Variants in PFKP observed in about 807,000 individuals in gnomAD.
The protein encoded by PFKP is phosphofructokinase, platelet, also known as ATP-dependent 6-phosphofructokinase, platelet type.
A neutral mutation model predicts 94.3 loss-of-function variants in PFKP; 101 were observed. The ratio of observed to expected loss-of-function variants is 1.07; its 90% confidence interval spans 0.91 to 1.26. The LOEUF is 1.26. PFKP is among the 50% of genes most tolerant of loss of function. PFKP has a pLI of 0.00. For synonymous variants in PFKP, 573 were observed against 432.6 expected (o/e 1.32, Z -4.03); for missense variants, 1,145 against 1,103.3 (o/e 1.04, Z -0.53).
chr10:3,101,304 T>C, intron 3 of PFKP, 61 bp from the exon 4 acceptor site: 1 of 1,379,666 alleles, frequency 7.2e-7, no homozygotes, highest in Non-Finnish European at 9.9e-7. Flanking sequence ...GGCCTGTGTG[T>C]GCCATCCACC....
intron 18 of PFKP, 147 bp from the exon 19 acceptor site, chr10:3,133,056 A>T: frequency 1.5e-6 from 1 of 669,500 alleles, no homozygotes. Context: ...AGAAAGCAAA[A>T]CCGTGAACTG....
Position 3,133,263 on chromosome 10 carries a change from G to A in PFKP, c.1971G>A (p.Glu657=), listed in dbSNP as rs1329711602. The A allele has an allele frequency of 6.2e-7, 1 of 1,614,050 alleles. No individual in the cohort carries two copies. Among genetic ancestry groups the A allele is most frequent in the African/African-American group, 1.3e-5 (1 of 74,934 alleles). The change falls in exon 19 of 22, where the codon GAG becomes GAA. Residue 657 remains glutamate (E), a synonymous_variant. Coordinates refer to ENST00000381125, the MANE Select transcript of PFKP (RefSeq NM_002627.5). ...TDFIYQLYSE[E]GKGVFDCRKN... Reference sequence around the variant, plus strand: ...TCATTTACCAGCTGTATTCAGAAGAGGGCAAAGGCGTGTTTGACTGCAGGA... The same window carrying A: ...TCATTTACCAGCTGTATTCAGAAGAAGGCAAAGGCGTGTTTGACTGCAGGA...
At chr10:3,069,778 C>T (rs1832047122) in intron 1 of PFKP, among the ~76,000 whole-genome samples, 1 of 152,114 alleles carries the variant, frequency 6.6e-6, no homozygotes, top group African/African-American at 2.4e-5. Context: ...ATTTATGGGT[C>T]ATTCCTTTGA....
intron 1 of PFKP, among the ~76,000 whole-genome samples, chr10:3,076,880 TG>T (rs1323362908): frequency 6.6e-6 from 1 of 152,158 alleles, no homozygotes; most frequent in Non-Finnish European, 1.5e-5. Context: ...GACTTTGAAC[TG>T]GCAGGGGTGG....
Position 3,101,572 on chromosome 10 carries a change from C to T in PFKP, c.454+18C>T, listed in dbSNP as rs761014860. ...CAGGAACGGTGAGTGGACACCTGCT[C>T]CTCTGTCCTGCGGGTTTTCGCCCTG... On this transcript the variant is annotated intron_variant, in intron 4 of 21. Coordinates refer to ENST00000381125, the MANE Select transcript of PFKP (RefSeq NM_002627.5). The T allele has an allele frequency of 3.3e-6, 5 of 1,495,686 alleles. No individual in the cohort carries two copies. Among genetic ancestry groups the T allele is most frequent in the Non-Finnish European group, 1.8e-6 (2 of 1,121,098 alleles). 92.7% of individuals were successfully genotyped at this position (1,495,686 alleles called of 1,614,324 possible).
intron 2 of PFKP, among the ~76,000 whole-genome samples, chr10:3,098,691 G>A (rs1023152943): frequency 1.7e-3 from 163 of 93,918 alleles, no homozygotes; most frequent in Middle Eastern, 6.4e-3. Flanking sequence ...AAAAAAAAAA[G>A]GTAATTGTCC....
At chr10:3,095,277 T>C (rs2131504302) in intron 2 of PFKP, among the ~76,000 whole-genome samples, 1 of 152,318 alleles carries the variant, frequency 6.6e-6, no homozygotes, top group East Asian at 1.9e-4. Flanking sequence ...GCTTACTCCA[T>C]TTATGATGGA....
intron 1 of PFKP, among the ~76,000 whole-genome samples, chr10:3,071,427 G>GTTTTTTTTT (rs569603765): frequency 1.7e-3 from 160 of 92,376 alleles, no homozygotes; most frequent in Non-Finnish European, 2.3e-3. Flanking sequence ...GTCTCAGGCT[G>GTTTTTTTTT]TTTTTTTTTT....
At chr10:3,110,467 C>T (rs1056269235) in intron 10 of PFKP, among the ~76,000 whole-genome samples, 1 of 149,876 alleles carries the variant, frequency 6.7e-6, no homozygotes, top group Non-Finnish European at 1.5e-5. Flanking sequence ...CCATCCACCT[C>T]GGCCTCCCAA....
intron 2 of PFKP, among the ~76,000 whole-genome samples, chr10:3,083,755 G>T (rs2131429263): frequency 6.6e-6 from 1 of 152,214 alleles, no homozygotes; most frequent in South Asian, 2.1e-4. Flanking sequence ...TGATTCTCCT[G>T]CATCTGCCTC....
chr10:3,069,237 C>T (rs1231943845), intron 1 of PFKP: 7 of 1,424,488 alleles, frequency 4.9e-6, no homozygotes, highest in African/African-American at 2.9e-5. Flanking sequence ...GTTAGCATTC[C>T]AGTAAAAGGA....
chr10:3,084,924 C>CACT (rs1423503379), intron 2 of PFKP, among the ~76,000 whole-genome samples: 2 of 49,158 alleles, frequency 4.1e-5, no homozygotes, highest in Non-Finnish European at 8.4e-5. Context: ...TCCCCCATTC[C>CACT]CTCCCCAGCA....
Position 3,124,774 on chromosome 10 carries a change from G to A in PFKP, c.1683+4730G>A, listed in dbSNP as rs74112903. ...CCTCCCTTACCTACCATGACACGCC[G>A]AGAGCTGAGCTGTCCCACTCGTGAC... On this transcript the variant is annotated intron_variant, in intron 16 of 21. Coordinates refer to ENST00000381125, the MANE Select transcript of PFKP (RefSeq NM_002627.5). Among the ~76,000 whole-genome samples, 199 of 152,238 alleles carry A rather than the reference G, an allele frequency of 1.3e-3. 1 individual carries two copies. Among genetic ancestry groups the A allele is most frequent in the African/African-American group, 4.6e-3 (192 of 41,544 alleles).
chr10:3,113,329 C>G, intron 12 of PFKP, 43 bp from the exon 13 acceptor site: 1 of 1,574,706 alleles, frequency 6.4e-7, no homozygotes, highest in Non-Finnish European at 8.7e-7. Context: ...ATGGAGCTCA[C>G]GTGTGCCCGT....
intron 19 of PFKP, among the ~76,000 whole-genome samples, chr10:3,133,636 G>A (rs571082232): frequency 2.4e-4 from 36 of 150,796 alleles, no homozygotes; most frequent in Non-Finnish European, 4.1e-4. Context: ...TCACCACGTT[G>A]GCCAGGCTGG....
intron 1 of PFKP, among the ~76,000 whole-genome samples, chr10:3,073,656 T>A (rs1832361952): frequency 6.7e-6 from 1 of 149,982 alleles, no homozygotes; most frequent in South Asian, 2.2e-4. Flanking sequence ...GAAGATTCAT[T>A]AATATAGGAC....
chr10:3,079,674 G>GGGGA (rs1832892219), intron 1 of PFKP, among the ~76,000 whole-genome samples: 2 of 74,506 alleles, frequency 2.7e-5, no homozygotes, highest in African/African-American at 5.1e-5. Flanking sequence ...GGGGGGGGGG[G>GGGGA]AAGAGGAGCA....
chr10:3,118,866 C>A lies in PFKP; in HGVS notation c.1527C>A (p.Phe509Leu), dbSNP rs775347049. The A allele has an allele frequency of 6.2e-7, 1 of 1,610,662 alleles. No individual in the cohort carries two copies. The highest frequency in any genetic ancestry group is 8.5e-7 in the Non-Finnish European group (1 of 1,177,328). Residue 509 changes from phenylalanine (F) to leucine (L), a missense_variant, in exon 15 of 22, where the codon TTC becomes TTA. Transcript: ENST00000381125. ...ACGCGCTGCTGATCATCGGTGGATT[C>A]GAGGTACGTTACCGTTTCTCTCTTG... ...SINALLIIGG[F>L]EAYLGLLELS... is the part of the protein sequence containing the mutation.
chr10:3,090,412 A>G lies in PFKP; in HGVS notation c.186+7951A>G, dbSNP rs1833951334. Among the ~76,000 whole-genome samples the G allele has an allele frequency of 2.6e-5, 4 of 152,226 alleles. No individual in the cohort carries two copies. In the South Asian group the frequency reaches 8.3e-4, roughly 31 times the overall value. On this transcript the variant is annotated intron_variant, in intron 2 of 21. Coordinates refer to ENST00000381125, the MANE Select transcript of PFKP (RefSeq NM_002627.5). ...AAAGGACTTGGAAAAGTCTGAGACT[A>G]ACGGGGCAGAGGAGCTGTTTGACTG...
Sources: gnomAD v4.1 joint callset for allele counts (sites outside exome capture counted in the v4.1 genomes callset) on GRCh38, gnomAD v4.1.1 for gene constraint, MANE v1.5 for transcripts, NCBI Gene and HGNC (gene_info 2026-07-23, HGNC 2026-07-21) for gene names.